The following LPCAT1 variants were observed in gnomAD, a reference collection of about 807,000 sequenced individuals.
The protein encoded by LPCAT1 is lysophosphatidylcholine acyltransferase 1.
LPCAT1 carries 23 observed loss-of-function variants against 60.9 expected under a neutral mutation model. That is an observed-to-expected ratio of 0.38 (90% confidence interval 0.27 to 0.53). The LOEUF is 0.53. Among genes scored for constraint, LPCAT1 ranks in the 20% least tolerant of loss-of-function variants. The pLI is 0.82. For missense variants in LPCAT1, 622 were observed against 723.6 expected (o/e 0.86, Z 1.61); for synonymous variants, 340 against 301.1 (o/e 1.13, Z -1.34).
At chr5:1,499,667 C>T (rs1467598874) in intron 2 of LPCAT1, among the ~76,000 whole-genome samples, 1 of 152,236 alleles carries the variant, frequency 6.6e-6, no homozygotes. Context: ...CACCACTACC[C>T]AGCAAGCTGC....
intron 5 of LPCAT1, among the ~76,000 whole-genome samples, chr5:1,484,145 C>T (rs1735281650): frequency 6.6e-6 from 1 of 152,256 alleles, no homozygotes; most frequent in Non-Finnish European, 1.5e-5. Flanking sequence ...ATCTGCCTCT[C>T]TCTCTGAGTG....
At chr5:1,465,520 C>T (rs1434673069) in intron 13 of LPCAT1, among the ~76,000 whole-genome samples, 1 of 151,860 alleles carries the variant, frequency 6.6e-6, no homozygotes, top group South Asian at 2.1e-4. Context: ...TGTGCACACA[C>T]ACAAAACAAG....
Position 1,502,232 on chromosome 5 carries a change from C to G in LPCAT1, c.136-629G>C, listed in dbSNP as rs1327425320. ...CAGCACACAACCCCAGGCAGCTCCA[C>G]CCCGCAGGACGCACCCCCAGGCAGC... On this transcript the variant is annotated intron_variant, in intron 1 of 13. Transcript: ENST00000283415. This position sits in a 1 kb window ranked among gnomAD's most constrained non-coding sequence, Gnocchi z 5.5. Among the ~76,000 whole-genome samples, 1 of 152,118 alleles carries G rather than the reference C, an allele frequency of 6.6e-6. No homozygotes were observed. The highest frequency in any genetic ancestry group is 1.5e-5 in the Non-Finnish European group (1 of 68,020).
chr5:1,501,099 G>A (rs1735986291), intron 2 of LPCAT1, among the ~76,000 whole-genome samples: 1 of 152,244 alleles, frequency 6.6e-6, no homozygotes, highest in Non-Finnish European at 1.5e-5. Flanking sequence ...AAAGCCAGGA[G>A]AGGGTGTCCA....
intron 3 of LPCAT1, among the ~76,000 whole-genome samples, chr5:1,491,056 G>C (rs952096603): frequency 1.3e-5 from 2 of 151,720 alleles, no homozygotes; most frequent in Non-Finnish European, 2.9e-5. Context: ...CTCCAAGAAC[G>C]AGAAAATTGA....
intron 1 of LPCAT1, among the ~76,000 whole-genome samples, chr5:1,520,015 G>A (rs1241146551): frequency 6.6e-6 from 1 of 152,256 alleles, no homozygotes; most frequent in Non-Finnish European, 1.5e-5. Flanking sequence ...CGAAGAGCCA[G>A]TCTTACTGAA....
chr5:1,479,504 G>A lies in LPCAT1; in HGVS notation c.816+117C>T, dbSNP rs947480976. 6 of 778,532 alleles carry A rather than the reference G, an allele frequency of 7.7e-6. No homozygotes were observed. The Admixed American group carries it at 8.0e-5, about 10-fold the overall frequency. The allele number at this position is 778,532 out of a possible 1,614,324, so 48.2% of individuals were successfully genotyped here. On this transcript the variant is annotated intron_variant, in intron 8 of 13. Coordinates refer to ENST00000283415, the MANE Select transcript of LPCAT1 (RefSeq NM_024830.5). ...GGAGCCCTGAGAAACGGAAAGATGG[G>A]AAAGCAAGACAGGTGATATGCCACA... is the stretch of plus-strand genomic sequence containing the variant.
At chr5:1,519,150 C>G (rs552270419) in intron 1 of LPCAT1, among the ~76,000 whole-genome samples, 3 of 152,212 alleles carry the variant, frequency 2.0e-5, no homozygotes, top group African/African-American at 7.2e-5. Context: ...CCGTTTAAGA[C>G]GAACTTTGGG....
chr5:1,469,122 G>A (rs113949558), intron 12 of LPCAT1, among the ~76,000 whole-genome samples: 40 of 152,348 alleles, frequency 2.6e-4, no homozygotes, highest in South Asian at 2.1e-4. Flanking sequence ...CCCTGGTGTC[G>A]CCGTGGGGAC....
At chr5:1,484,678 G>A (rs1315415913) in intron 5 of LPCAT1, among the ~76,000 whole-genome samples, 1 of 152,226 alleles carries the variant, frequency 6.6e-6, no homozygotes, top group Non-Finnish European at 1.5e-5. Context: ...ACGGTGGCCT[G>A]AGGCCAGAGG....
rs1734907730 is a variant in LPCAT1, at chr5:1,476,151, T to C, written c.899+1253A>G. ...ATCAGTGAGGCCCACAGGCGATCTC[T>C]CCTTGAGCGCTGTAAAATCTGTTCT... is the stretch of plus-strand genomic sequence containing the variant. On this transcript the variant is annotated intron_variant, in intron 9 of 13. Coordinates refer to ENST00000283415, the MANE Select transcript of LPCAT1 (RefSeq NM_024830.5). The surrounding 1 kb of genome is among the most constrained non-coding windows in gnomAD (Gnocchi z 8.6). 6.6e-6 allele frequency among the ~76,000 whole-genome samples: 1 copy of C among 152,222 alleles called. No individual in the cohort carries two copies. The highest frequency in any genetic ancestry group is 2.4e-5 in the African/African-American group (1 of 41,460).
rs1734168136 is a variant in LPCAT1 at position 1,463,023 on chromosome 5, C to T, written c.*628G>A. 1 of 151,502 alleles carries T rather than the reference C, an allele frequency of 6.6e-6. No homozygotes were observed. The allele number at this position is 151,502 out of a possible 1,614,324, so 9.4% of individuals were successfully genotyped here. ...AGATTCTATATTAAAAAAAAAAAGGCCTATAAATAAATATCCTTTGACTCT... is the reference window on the plus strand; with the variant it reads ...AGATTCTATATTAAAAAAAAAAAGGTCTATAAATAAATATCCTTTGACTCT... On this transcript the variant is annotated 3_prime_UTR_variant, in exon 14 of 14. Coordinates refer to ENST00000283415, the MANE Select transcript of LPCAT1 (RefSeq NM_024830.5).
intron 1 of LPCAT1, among the ~76,000 whole-genome samples, chr5:1,506,766 G>A (rs776092931): frequency 1.8e-4 from 27 of 152,344 alleles, no homozygotes; most frequent in Non-Finnish European, 1.3e-4. Flanking sequence ...GACTCAGGTC[G>A]CTAAAGTGGA....
intron 1 of LPCAT1, among the ~76,000 whole-genome samples, chr5:1,507,021 A>G (rs528656317): frequency 6.6e-6 from 1 of 152,338 alleles, no homozygotes; most frequent in East Asian, 1.9e-4. Flanking sequence ...GGACAGGGAT[A>G]AGCGGGCTGT....
In LPCAT1 at chr5:1,522,606, T is replaced by C. The variant is rs997005765; in HGVS notation, c.135+1104A>G. ...GGGCTTTGAGCAAAAGCAGGCGTCC[T>C]GGGAAAATGACAAGCTCAAACTGGC... On this transcript the variant is annotated intron_variant, in intron 1 of 13. Transcript: ENST00000283415. The surrounding 1 kb of genome is among the most constrained non-coding windows in gnomAD (Gnocchi z 6.8). 3.3e-5 allele frequency among the ~76,000 whole-genome samples: 5 copies of C among 152,196 alleles called. No homozygotes were observed. The highest frequency in any genetic ancestry group is 4.4e-5 in the Non-Finnish European group (3 of 68,024).
chr5:1,501,840 C>A (rs1185152008), intron 1 of LPCAT1, among the ~76,000 whole-genome samples: 1 of 152,066 alleles, frequency 6.6e-6, no homozygotes, highest in Admixed American at 6.5e-5. Flanking sequence ...CTGACCAGCA[C>A]TGACCAAGGC....
chr5:1,496,242 T>A lies in LPCAT1; in HGVS notation c.279-1328A>T, dbSNP rs539492404. ...TGGGCATGGTGGCAGGCGTCTGTAA[T>A]CCCAGCCACTCAGGAGGCTGAGGCA... On this transcript the variant is annotated intron_variant, in intron 2 of 13. Transcript: ENST00000283415. This position sits in a 1 kb window ranked among gnomAD's most constrained non-coding sequence, Gnocchi z 4.7. 3.0e-4 allele frequency among the ~76,000 whole-genome samples: 45 copies of A among 152,020 alleles called. 1 individual carries two copies. In the South Asian group the frequency reaches 8.1e-3, roughly 27 times the overall value.
chr5:1,503,366 T>A (rs775893477), intron 1 of LPCAT1, among the ~76,000 whole-genome samples: 1 of 151,998 alleles, frequency 6.6e-6, no homozygotes, highest in Admixed American at 6.6e-5. Flanking sequence ...CCTCCACGAG[T>A]TTTGTTTTGC....
intron 1 of LPCAT1, among the ~76,000 whole-genome samples, chr5:1,513,995 C>T (rs114951993): frequency 0.02 from 3,022 of 152,316 alleles, 102 homozygotes; most frequent in African/African-American, 0.068. Flanking sequence ...TACATTTCCT[C>T]AGAAGGCAGC....
Sources: allele counts gnomAD v4.1 joint callset (sites outside exome capture counted in the v4.1 genomes callset), GRCh38; gene constraint gnomAD v4.1.1; non-coding constraint Gnocchi (gnomAD v3.1); transcripts MANE v1.5; gene names NCBI Gene and HGNC (gene_info 2026-07-23, HGNC 2026-07-21).